The following PNPT1 variants were observed in gnomAD, a reference collection of about 807,000 sequenced individuals.
PNPT1 encodes the protein polyribonucleotide nucleotidyltransferase 1.
In PNPT1, 53 loss-of-function variants were observed where a neutral mutation model predicts 119.5. That is an observed-to-expected ratio of 0.44 (90% CI 0.36 to 0.56). The LOEUF is 0.56. PNPT1 is among the 20% of genes least tolerant of loss of function. The pLI is 0.00. For synonymous variants in PNPT1, 357 were observed against 322.1 expected (o/e 1.11, Z -1.16); for missense variants, 948 against 938.5 (o/e 1.01, Z -0.13).
At chr2:55,679,861 G>T in intron 7 of PNPT1, 66 bp from the exon 8 acceptor site, 1 of 1,095,728 alleles carries the variant, frequency 9.1e-7, no homozygotes, top group Non-Finnish European at 1.3e-6. Flanking sequence ...CATTATTCCA[G>T]TCATGGCTTC....
chr2:55,688,017 G>A (rs1459422497), intron 1 of PNPT1, among the ~76,000 whole-genome samples: 1 of 151,398 alleles, frequency 6.6e-6, no homozygotes, highest in Non-Finnish European at 1.5e-5. Context: ...GTGGGGGGTG[G>A]TCTTTGTGCC....
chr2:55,656,164 T>C lies in PNPT1; in HGVS notation c.1408A>G (p.Ile470Val), dbSNP rs1413266431. Residue 470 changes from isoleucine (I) to valine (V), a missense_variant, in exon 17 of 28, where the codon ATA (isoleucine) becomes GTA (valine). Physicochemically the swap from Ile to Val is conservative, Grantham distance 29. Coordinates refer to ENST00000447944, the MANE Select transcript of PNPT1 (RefSeq NM_033109.5). ...PVIPRDFPFT[I>V]RVTSEVLESN... The stretch of plus-strand genomic sequence containing the variant: ...TCTAGGACTTCAGATGTAACTCTTA[T>C]GGTGAAAGGAAAATCTCGGGGAATA... The C allele has an allele frequency of 9.9e-6, 16 of 1,613,434 alleles. No individual in the cohort carries two copies. The highest frequency in any genetic ancestry group is 2.7e-5 in the African/African-American group (2 of 74,916).
At chr2:55,655,651 G>A (rs1463116979) in intron 17 of PNPT1, among the ~76,000 whole-genome samples, 2 of 152,066 alleles carry the variant, frequency 1.3e-5, no homozygotes, top group African/African-American at 4.8e-5. Context: ...TCTGATTTAC[G>A]TCTGTTACAC....
chr2:55,660,368 T>C (rs1242295946), intron 14 of PNPT1, among the ~76,000 whole-genome samples, 175 bp from the exon 15 acceptor site: 2 of 152,236 alleles, frequency 1.3e-5, no homozygotes, highest in Non-Finnish European at 2.9e-5. Context: ...GATGATATTT[T>C]CTTCTGGGGC....
rs1559081830 is a variant in PNPT1, at chr2:55,634,284, C to CG, written c.*1952dup. On this transcript the variant is annotated 3_prime_UTR_variant, in exon 28 of 28. Transcript: ENST00000447944. ...CCTTTTTTTTTTTTTTTTCTGGAGA[C>CG]GGAGTCTTGCTCTGTCGCCCAGGCT... 2 of 144,896 alleles carry CG rather than the reference C, an allele frequency of 1.4e-5. No individual in the cohort carries two copies. Among genetic ancestry groups the CG allele is most frequent in the African/African-American group, 5.1e-5 (2 of 39,104 alleles). The allele number at this position is 144,896 out of a possible 1,614,324, so 9.0% of individuals were successfully genotyped here. A position where few individuals can be genotyped will look rare whatever the true frequency, so the allele number is the denominator to read the frequency against.
At chr2:55,664,224 A>AT (rs1696666360) in intron 13 of PNPT1, among the ~76,000 whole-genome samples, 1 of 152,244 alleles carries the variant, frequency 6.6e-6, no homozygotes, top group Non-Finnish European at 1.5e-5. Context: ...AACTGATAAG[A>AT]CAACTGCAAT....
chr2:55,683,707 A>C, intron 5 of PNPT1, 78 bp downstream of exon 5: 1 of 1,291,742 alleles, frequency 7.7e-7, no homozygotes, highest in South Asian at 1.3e-5. Context: ...TATAATGTTT[A>C]CTCTAGGAAA....
chr2:55,648,667 G>C (rs546157636), intron 18 of PNPT1, among the ~76,000 whole-genome samples: 22 of 152,106 alleles, frequency 1.4e-4, no homozygotes, highest in African/African-American at 5.3e-4. Context: ...TACTTGGTTG[G>C]CAGTCTTTTT....
intron 19 of PNPT1, among the ~76,000 whole-genome samples, chr2:55,646,985 G>A (rs1274360924): frequency 6.6e-6 from 1 of 152,056 alleles, no homozygotes; most frequent in Non-Finnish European, 1.5e-5. Context: ...ACAGGTGTGT[G>A]CCACCATGCC....
At chr2:55,647,270 T>A in intron 19 of PNPT1, 77 bp downstream of exon 19, 1 of 1,193,340 alleles carries the variant, frequency 8.4e-7, no homozygotes, top group East Asian at 2.6e-5. Context: ...TCACCATTAT[T>A]TGTTTTTATC....
chr2:55,653,289 T>G (rs915782795), intron 18 of PNPT1, among the ~76,000 whole-genome samples: 17 of 152,248 alleles, frequency 1.1e-4, no homozygotes, highest in African/African-American at 3.9e-4. Context: ...TTTTCTGTCC[T>G]TGGGATACTA....
At chr2:55,679,656 C>G in intron 8 of PNPT1, 26 bp downstream of exon 8, 2 of 1,456,888 alleles carry the variant, frequency 1.4e-6, no homozygotes, top group South Asian at 2.3e-5. Context: ...AAATCCAGAA[C>G]AAATGTGGTA....
chr2:55,680,371 G>A (rs540459144), intron 7 of PNPT1, among the ~76,000 whole-genome samples: 14 of 149,306 alleles, frequency 9.4e-5, no homozygotes, highest in South Asian at 4.2e-4. Flanking sequence ...TATAACAGCC[G>A]TAAGTTACAT....
At chr2:55,692,711 C>T (rs544438904) in intron 1 of PNPT1, among the ~76,000 whole-genome samples, 4 of 152,150 alleles carry the variant, frequency 2.6e-5, no homozygotes, top group African/African-American at 4.8e-5. Context: ...AAAAAGATTG[C>T]GAGGATCATA....
At chr2:55,647,520 C>CA in intron 18 of PNPT1, 67 bp from the exon 19 acceptor site, 2 of 1,193,112 alleles carry the variant, frequency 1.7e-6, no homozygotes, top group Non-Finnish European at 2.4e-6. Flanking sequence ...ATTTATCTAT[C>CA]AATTTTTTTT....
Position 55,636,094 on chromosome 2 carries a change from T to G in PNPT1, c.*143A>C. The G allele has an allele frequency of 2.1e-6, 1 of 487,226 alleles. No individual in the cohort carries two copies. Among genetic ancestry groups the G allele is most frequent in the Non-Finnish European group, 3.2e-6 (1 of 309,156 alleles). The allele number at this position is 487,226 out of a possible 1,614,324, so 30.2% of individuals were successfully genotyped here. On this transcript the variant is annotated 3_prime_UTR_variant, in exon 28 of 28. Coordinates refer to ENST00000447944, the MANE Select transcript of PNPT1 (RefSeq NM_033109.5). ...ACTCGAATTAAAAAAATGGCACATG[T>G]AAATGAGCATTTTAGTACAAATAAT...
Position 55,637,532 on chromosome 2 carries a change from A to G in PNPT1, c.2196+20T>C. ...AAGAACAATTTACAACTTCAAGGCT[A>G]AAAGGTGGAATACAAATACCTGAAT... On this transcript the variant is annotated intron_variant, in intron 27 of 27. Transcript: ENST00000447944. 6.3e-7 allele frequency: 1 copy of G among 1,580,922 alleles called. No individual in the cohort carries two copies. The highest frequency in any genetic ancestry group is 8.7e-7 in the Non-Finnish European group (1 of 1,150,162).
intron 15 of PNPT1, among the ~76,000 whole-genome samples, chr2:55,657,242 T>A (rs1696414082): frequency 6.6e-6 from 1 of 151,464 alleles, no homozygotes; most frequent in Non-Finnish European, 1.5e-5. Flanking sequence ...GGCACAAGAA[T>A]TGCTTGAACC....
intron 7 of PNPT1, 58 bp downstream of exon 7, chr2:55,680,654 A>G: frequency 6.7e-7 from 1 of 1,483,374 alleles, no homozygotes; most frequent in South Asian, 1.2e-5. Context: ...CATGGTCACT[A>G]CTACTTACTG....
Sources: gnomAD v4.1 joint callset for allele counts (sites outside exome capture counted in the v4.1 genomes callset) on GRCh38, gnomAD v4.1.1 for gene constraint, MANE v1.5 for transcripts, NCBI Gene and HGNC (gene_info 2026-07-23, HGNC 2026-07-21) for gene names.